Variants in CDH13 observed in about 807,000 individuals in gnomAD.
CDH13 encodes cadherin-13.
A neutral mutation model predicts 63.8 loss-of-function variants in CDH13; 24 were observed. The ratio of observed to expected loss-of-function variants is 0.38; its 90% CI spans 0.27 to 0.53. CDH13 has a LOEUF of 0.53. Ranked by LOEUF, CDH13 falls within the 20% of genes least tolerant of loss-of-function variation. The probability of loss-of-function intolerance (pLI) is 0.85; values close to 1 mark genes in which losing one functional copy is unlikely to be tolerated. For missense variants in CDH13, 1,049 were observed against 903.1 expected (o/e 1.16, Z -2.07); for synonymous variants, 503 against 355.3 (o/e 1.42, Z -4.67).
chr16:83,140,634 T>C (rs1362519761), intron 4 of CDH13, among the ~76,000 whole-genome samples: 2 of 152,070 alleles, frequency 1.3e-5, no homozygotes, highest in African/African-American at 4.8e-5. Context: ...TTTGTACTTT[T>C]AGTAGAGAAG....
At position 83,321,305 on chromosome 16, in the gene CDH13, G is replaced by A. The variant is rs577754206; in HGVS notation, c.637-23557G>A. Among the ~76,000 whole-genome samples the A allele has an allele frequency of 4.6e-5, 7 of 152,258 alleles. No homozygotes were observed. The South Asian group carries it at 8.3e-4, about 18-fold the overall frequency. The stretch of plus-strand genomic sequence containing the variant: ...CTTTGCAGAGCTGGACAGAAAGCTC[G>A]TGGCAATGTGTACTTTAATGGAATT... On this transcript the variant is annotated intron_variant, in intron 5 of 13. Coordinates refer to ENST00000567109, the MANE Select transcript of CDH13 (RefSeq NM_001257.5).
At chr16:83,792,512 C>T (rs959308710) in intron 13 of CDH13, among the ~76,000 whole-genome samples, 2 of 152,190 alleles carry the variant, frequency 1.3e-5, no homozygotes, top group Non-Finnish European at 2.9e-5. Flanking sequence ...TCCCAGGAGA[C>T]AGTTGAAATG....
chr16:83,476,365 C>G (rs566617620), intron 6 of CDH13, among the ~76,000 whole-genome samples: 1 of 152,164 alleles, frequency 6.6e-6, no homozygotes. Flanking sequence ...AAGGACTAGG[C>G]TTGCCATTTA....
At chr16:83,294,061 G>A (rs954318617) in intron 5 of CDH13, among the ~76,000 whole-genome samples, 1 of 152,108 alleles carries the variant, frequency 6.6e-6, no homozygotes, top group Non-Finnish European at 1.5e-5. Context: ...AGGATTATCT[G>A]ACTTCTGTTT....
At chr16:83,403,348 A>G (rs979758046) in intron 6 of CDH13, among the ~76,000 whole-genome samples, 5 of 152,102 alleles carry the variant, frequency 3.3e-5, no homozygotes, top group African/African-American at 1.2e-4. Context: ...GATGTACTGA[A>G]CTGTCTTTAA....
chr16:83,696,808 T>C (rs888354729), intron 10 of CDH13, among the ~76,000 whole-genome samples: 12 of 152,168 alleles, frequency 7.9e-5, no homozygotes, highest in Non-Finnish European at 1.6e-4. Context: ...CTCCCATTCT[T>C]ACAAGGCACC....
chr16:82,950,398 C>T (rs1905169684), intron 2 of CDH13, among the ~76,000 whole-genome samples: 1 of 152,038 alleles, frequency 6.6e-6, no homozygotes, highest in Non-Finnish European at 1.5e-5. Context: ...ATTGTAGCTC[C>T]CATAATTCCC....
chr16:83,679,451 G>A (rs1915226118), intron 10 of CDH13, among the ~76,000 whole-genome samples: 1 of 152,214 alleles, frequency 6.6e-6, no homozygotes, highest in African/African-American at 2.4e-5. Flanking sequence ...GTGCAACAGG[G>A]ACTGAGTCAA....
chr16:83,026,201 G>A (rs1263233280), intron 2 of CDH13, among the ~76,000 whole-genome samples: 1 of 152,224 alleles, frequency 6.6e-6, no homozygotes, highest in Non-Finnish European at 1.5e-5. Context: ...TCCCAAAGGG[G>A]TTTGTGAGAT....
intron 6 of CDH13, among the ~76,000 whole-genome samples, chr16:83,426,857 C>G (rs1427419798): frequency 2.7e-5 from 4 of 150,440 alleles, no homozygotes; most frequent in Non-Finnish European, 5.9e-5. Context: ...GTAATGGCCC[C>G]CCAAATATGA....
At chr16:83,498,830 GGCTTCAGTGCCGCATTAT>G (rs2074206782) in intron 7 of CDH13, among the ~76,000 whole-genome samples, 1 of 152,200 alleles carries the variant, frequency 6.6e-6, no homozygotes, top group Admixed American at 6.5e-5. Flanking sequence ...TCAGGCCATA[GGCTTCAGTGCCGCATTAT>G]CATATGGGCC....
chr16:82,938,809 A>G (rs539460706), intron 2 of CDH13, among the ~76,000 whole-genome samples: 14 of 152,246 alleles, frequency 9.2e-5, no homozygotes, highest in East Asian at 5.8e-4. Context: ...GAAGTAATGT[A>G]GAAGACACAC....
intron 13 of CDH13, among the ~76,000 whole-genome samples, chr16:83,787,068 C>G (rs1199246780): frequency 1.3e-5 from 2 of 152,224 alleles, no homozygotes; most frequent in Non-Finnish European, 2.9e-5. Context: ...GACACATACA[C>G]TCACTCACAC....
intron 5 of CDH13, among the ~76,000 whole-genome samples, chr16:83,334,180 C>T (rs772758665): frequency 8.5e-5 from 13 of 152,130 alleles, no homozygotes; most frequent in Non-Finnish European, 1.5e-4. Flanking sequence ...CTTCCTCCCT[C>T]TTAACGACTC....
chr16:82,704,458 C>T (rs2031314794), intron 1 of CDH13, among the ~76,000 whole-genome samples: 1 of 152,160 alleles, frequency 6.6e-6, no homozygotes, highest in South Asian at 2.1e-4. Flanking sequence ...GACTCTAAGT[C>T]TTGGGACTGC....
At chr16:83,786,780 G>A (rs914082136) in intron 13 of CDH13, among the ~76,000 whole-genome samples, 1 of 151,954 alleles carries the variant, frequency 6.6e-6, no homozygotes, top group Non-Finnish European at 1.5e-5. Flanking sequence ...TAGAGACGAG[G>A]TTTCACCATG....
chr16:82,943,392 CA>C (rs1904342006), intron 2 of CDH13, among the ~76,000 whole-genome samples: 1 of 152,126 alleles, frequency 6.6e-6, no homozygotes, highest in Non-Finnish European at 1.5e-5. Context: ...ACTGAAATCC[CA>C]GTGAATGATT....
At chr16:82,996,800 G>A (rs1912252341) in intron 2 of CDH13, among the ~76,000 whole-genome samples, 1 of 150,862 alleles carries the variant, frequency 6.6e-6, no homozygotes, top group Non-Finnish European at 1.5e-5. Context: ...GGGTAATGGT[G>A]ATGGTGATGG....
At chr16:83,402,439 T>C (rs528080079) in intron 6 of CDH13, among the ~76,000 whole-genome samples, 20 of 152,220 alleles carry the variant, frequency 1.3e-4, no homozygotes, top group Non-Finnish European at 2.4e-4. Context: ...CACCAGGCTC[T>C]GAGCCAGACT....
Sources: allele counts gnomAD v4.1 joint callset (sites outside exome capture counted in the v4.1 genomes callset), GRCh38; gene constraint gnomAD v4.1.1; transcripts MANE v1.5; gene names NCBI Gene and HGNC (gene_info 2026-07-23, HGNC 2026-07-21).